SEPTIN9: variants seen among roughly 807,000 people sequenced by gnomAD.
SEPTIN9 encodes the protein septin 9.
SEPTIN9 carries 13 observed loss-of-function variants against 56.6 expected under a neutral mutation model. The ratio of observed to expected loss-of-function variants is 0.23; its 90% confidence interval spans 0.15 to 0.37. SEPTIN9 has a LOEUF of 0.37. SEPTIN9 is among the 10% of genes least tolerant of loss of function. SEPTIN9 has a pLI of 1.00. For synonymous variants in SEPTIN9, 332 were observed against 334.1 expected, an observed-to-expected ratio of 0.99 and a Z score of 0.07; for missense variants, 650 against 823.1, an observed-to-expected ratio of 0.79 and a Z score of 2.57.
intron 10 of SEPTIN9, among the ~76,000 whole-genome samples, chr17:77,495,358 C>T (rs189343736): frequency 2.0e-5 from 3 of 152,296 alleles, no homozygotes; most frequent in Non-Finnish European, 4.4e-5. Flanking sequence ...ATATCAGGGG[C>T]CCCATGAGTT....
chr17:77,334,290 C>T (rs924761434), intron 2 of SEPTIN9, among the ~76,000 whole-genome samples: 6 of 152,048 alleles, frequency 3.9e-5, no homozygotes, highest in Admixed American at 6.5e-5. Flanking sequence ...GGCGTGGTGG[C>T]GGGCGCCTGT....
intron 1 of SEPTIN9, among the ~76,000 whole-genome samples, chr17:77,289,437 T>G (rs2031434989): frequency 1.4e-5 from 2 of 138,624 alleles, no homozygotes; most frequent in Middle Eastern, 5.0e-3. Context: ...AGATGGAGTT[T>G]CGCTCTTGTT....
chr17:77,360,915 CTTTTTT>C (rs34718935), intron 2 of SEPTIN9, among the ~76,000 whole-genome samples: 1 of 76,796 alleles, frequency 1.3e-5, no homozygotes. Context: ...GTCTTTCATC[CTTTTTT>C]TTTTTTTTTT....
chr17:77,339,705 T>G (rs1279596147), intron 2 of SEPTIN9, among the ~76,000 whole-genome samples: 2 of 152,002 alleles, frequency 1.3e-5, no homozygotes, highest in African/African-American at 2.4e-5. Flanking sequence ...AAACAGGGTT[T>G]CACCATGTTG....
At chr17:77,410,193 T>C (rs1218524585) in intron 3 of SEPTIN9, among the ~76,000 whole-genome samples, 3 of 152,020 alleles carry the variant, frequency 2.0e-5, no homozygotes, top group Non-Finnish European at 4.4e-5. Flanking sequence ...GATGCTCTGA[T>C]TAAAGTTGAG....
chr17:77,403,069 C>A (rs189603646), intron 3 of SEPTIN9, among the ~76,000 whole-genome samples: 89 of 152,240 alleles, frequency 5.8e-4, no homozygotes, highest in Middle Eastern at 3.4e-3. Flanking sequence ...CCAGGGCAGG[C>A]TCATGCAGGG....
chr17:77,399,888 G>A (rs904110917), intron 2 of SEPTIN9, among the ~76,000 whole-genome samples: 12 of 152,224 alleles, frequency 7.9e-5, no homozygotes, highest in African/African-American at 2.9e-4. Flanking sequence ...CTGCCCTGCG[G>A]CCACGTGATC....
At chr17:77,443,694 G>A (rs993410226) in intron 3 of SEPTIN9, among the ~76,000 whole-genome samples, 8 of 152,088 alleles carry the variant, frequency 5.3e-5, no homozygotes, top group African/African-American at 1.4e-4. Flanking sequence ...CTACGGGGGA[G>A]GCTGTGGCAG....
In SEPTIN9 at chr17:77,433,804, G is replaced by A. The variant is rs1432416748; in HGVS notation, c.721+31101G>A. Among the ~76,000 whole-genome samples, 3 of 151,648 alleles carry A rather than the reference G, an allele frequency of 2.0e-5. No individual in the cohort carries two copies. Among genetic ancestry groups the A allele is most frequent in the African/African-American group, 2.4e-5 (1 of 41,306 alleles). ...CCCTCCCCTCCTGGGTATCCCCTGC[G>A]CCCCCCGCCCCAGGCACTTGATGTT... On this transcript the variant is annotated intron_variant, in intron 3 of 11. Transcript: ENST00000427177. The surrounding 1 kb of genome is among the most constrained non-coding windows in gnomAD (Gnocchi z 6.4).
At chr17:77,342,529 G>A (rs1248438178) in intron 2 of SEPTIN9, among the ~76,000 whole-genome samples, 1 of 152,118 alleles carries the variant, frequency 6.6e-6, no homozygotes, top group Non-Finnish European at 1.5e-5. Context: ...CCTTGTACTT[G>A]CTTCAGCGCA....
At chr17:77,462,239 G>C (rs887867700) in intron 3 of SEPTIN9, among the ~76,000 whole-genome samples, 14 of 152,190 alleles carry the variant, frequency 9.2e-5, no homozygotes, top group Admixed American at 9.2e-4. Context: ...TAGCCTGAGC[G>C]GTTTTTGTTT....
At chr17:77,439,661 T>C (rs911490943) in intron 3 of SEPTIN9, among the ~76,000 whole-genome samples, 3 of 152,206 alleles carry the variant, frequency 2.0e-5, no homozygotes, top group African/African-American at 7.2e-5. Flanking sequence ...CTTTCTGTCC[T>C]GGAGGCTGGT....
Position 77,378,975 on chromosome 17 carries a change from G to A in SEPTIN9, c.77-23084G>A, listed in dbSNP as rs534958917. ...GCGGGGGCGCTGGCAGCCTGCGTTC[G>A]GCTCTGCAGGCTGGCCTTTCCCTGA... is the stretch of plus-strand genomic sequence containing the variant. On this transcript the variant is annotated intron_variant, in intron 2 of 11. Transcript: ENST00000427177. Among the ~76,000 whole-genome samples the A allele has an allele frequency of 3.9e-5, 6 of 152,210 alleles. No individual in the cohort carries two copies. The East Asian group carries it at 7.7e-4, about 20-fold the overall frequency.
At chr17:77,328,237 T>A (rs993536440) in intron 2 of SEPTIN9, among the ~76,000 whole-genome samples, 3 of 152,236 alleles carry the variant, frequency 2.0e-5, no homozygotes, top group East Asian at 3.8e-4. Flanking sequence ...CTCCCCACTT[T>A]CCTAATCTCC....
rs1287890776 is a variant in SEPTIN9, at chr17:77,433,068, T to C, written c.721+30365T>C. Among the ~76,000 whole-genome samples, 1 of 152,184 alleles carries C rather than the reference T, an allele frequency of 6.6e-6. No homozygotes were observed. The highest frequency in any genetic ancestry group is 1.5e-5 in the Non-Finnish European group (1 of 68,014). On this transcript the variant is annotated intron_variant, in intron 3 of 11. Transcript: ENST00000427177. The surrounding 1 kb of genome is among the most constrained non-coding windows in gnomAD (Gnocchi z 6.4). ...TGTGCTCTCAGCTGCTCCGACAGGA[T>C]GCTTTTGGCCTGAGAGACAGAAACC...
chr17:77,297,019 T>C (rs2143546097), intron 1 of SEPTIN9, among the ~76,000 whole-genome samples: 1 of 152,076 alleles, frequency 6.6e-6, no homozygotes, highest in East Asian at 1.9e-4. Flanking sequence ...AGATAGATGG[T>C]GGATGGGTGG....
chr17:77,354,691 G>A (rs747784082), intron 2 of SEPTIN9, among the ~76,000 whole-genome samples: 27 of 152,176 alleles, frequency 1.8e-4, no homozygotes, highest in Non-Finnish European at 4.0e-4. Flanking sequence ...AGCTGAGGGG[G>A]CCAGCGTCCT....
chr17:77,405,216 CAG>C lies in SEPTIN9; in HGVS notation c.721+2517_721+2518del, dbSNP rs2036026629. On this transcript the variant is annotated intron_variant, in intron 3 of 11. Coordinates refer to ENST00000427177, the MANE Select transcript of SEPTIN9 (RefSeq NM_001113491.2). The surrounding 1 kb of genome is among the most constrained non-coding windows in gnomAD (Gnocchi z 5.8). ...ACACAGTTTAGCCCCTAAATTGTGC[CAG>C]AGACTGTGCCGGGAGCCAGGCCCAG... 2 of 1,339,638 alleles carry C rather than the reference CAG, an allele frequency of 1.5e-6. No homozygotes were observed. The highest frequency in any genetic ancestry group is 4.2e-5 in the Admixed American group (2 of 47,192). The allele number at this position is 1,339,638 out of a possible 1,614,324, so 83.0% of individuals were successfully genotyped here.
rs371919400 is a variant in SEPTIN9 at position 77,475,652 on chromosome 17, G to A, written c.722-6492G>A. The A allele has an allele frequency of 3.7e-5, 60 of 1,613,740 alleles. No individual in the cohort carries two copies. In the East Asian group the frequency reaches 1.2e-3, roughly 34 times the overall value. Reference sequence around the variant, plus strand: ...GCTGCTCCAGTGTGCATTGTTACGAGGCAAAGTAAGGAGACTGCTGGGCCC... The same window carrying A: ...GCTGCTCCAGTGTGCATTGTTACGAAGCAAAGTAAGGAGACTGCTGGGCCC... On this transcript the variant is annotated intron_variant, in intron 3 of 11. Transcript: ENST00000427177. The surrounding 1 kb of genome is among the most constrained non-coding windows in gnomAD (Gnocchi z 4.6).
Sources: allele counts gnomAD v4.1 joint callset (sites outside exome capture counted in the v4.1 genomes callset), GRCh38; gene constraint gnomAD v4.1.1; non-coding constraint Gnocchi (gnomAD v3.1); transcripts MANE v1.5; gene names NCBI Gene and HGNC (gene_info 2026-07-23, HGNC 2026-07-21).